Variants in USH2A observed in about 807,000 individuals in gnomAD.
USH2A encodes the protein Usher syndrome 2A (autosomal recessive, mild).
USH2A carries 443 observed loss-of-function variants against 538.9 expected under a neutral mutation model. The ratio of observed to expected loss-of-function variants is 0.82; its 90% CI spans 0.76 to 0.89. USH2A has a LOEUF of 0.89. Among genes scored for constraint, USH2A ranks in the 40% least tolerant of loss-of-function variants. The pLI, the probability that USH2A is intolerant of heterozygous loss-of-function variation, is 0.00. For missense variants in USH2A, 6,633 were observed against 6,324.8 expected, an observed-to-expected ratio of 1.05 and a Z score of -1.65; for synonymous variants, 2,413 against 2,273.5, an observed-to-expected ratio of 1.06 and a Z score of -1.75.
chr1:216,090,161 C>A (rs1571952859), intron 22 of USH2A, among the ~76,000 whole-genome samples: 1 of 151,240 alleles, frequency 6.6e-6, no homozygotes, highest in Non-Finnish European at 1.5e-5. Context: ...CACTTAATTA[C>A]CAGAAAATTT....
intron 50 of USH2A, among the ~76,000 whole-genome samples, chr1:215,793,202 C>A (rs1662030971): frequency 6.6e-6 from 1 of 151,962 alleles, no homozygotes; most frequent in African/African-American, 2.4e-5. Context: ...GTTAAGACTG[C>A]AAAACTGGGA....
chr1:215,947,207 C>T (rs996662627), intron 37 of USH2A, among the ~76,000 whole-genome samples: 1 of 151,866 alleles, frequency 6.6e-6, no homozygotes. Context: ...CCACTCCTGG[C>T]TAATTTTTGT....
intron 21 of USH2A, among the ~76,000 whole-genome samples, chr1:216,121,580 C>A (rs1002731763): frequency 6.6e-6 from 1 of 151,994 alleles, no homozygotes; most frequent in South Asian, 2.1e-4. Context: ...CATGTTGTTG[C>A]GTATTAATGA....
chr1:215,857,460 A>T (rs1335610546), intron 44 of USH2A, among the ~76,000 whole-genome samples: 1 of 152,218 alleles, frequency 6.6e-6, no homozygotes, highest in Non-Finnish European at 1.5e-5. Flanking sequence ...GGTAGCCTTA[A>T]GCCAGAAGCC....
At chr1:216,110,432 C>T (rs2032839037) in intron 21 of USH2A, among the ~76,000 whole-genome samples, 1 of 152,052 alleles carries the variant, frequency 6.6e-6, no homozygotes, top group Admixed American at 6.6e-5. Context: ...AAAACATCAG[C>T]CTACATTAAA....
chr1:215,866,357 T>C (rs545485489), intron 44 of USH2A, among the ~76,000 whole-genome samples: 2 of 152,308 alleles, frequency 1.3e-5, no homozygotes, highest in East Asian at 3.9e-4. Flanking sequence ...CAGATTAGAT[T>C]ACTCTGTGAA....
chr1:215,643,519 T>C (rs537689510), intron 67 of USH2A, among the ~76,000 whole-genome samples: 87 of 150,366 alleles, frequency 5.8e-4, no homozygotes, highest in Middle Eastern at 6.8e-3. Context: ...CACAAATAGA[T>C]AAAATCCTTT....
intron 30 of USH2A, among the ~76,000 whole-genome samples, chr1:216,055,106 T>C (rs2030933444): frequency 6.6e-6 from 1 of 152,218 alleles, no homozygotes; most frequent in Non-Finnish European, 1.5e-5. Context: ...CTACTGCATC[T>C]AAATGATATC....
At chr1:215,909,537 G>T (rs1325177794) in intron 38 of USH2A, among the ~76,000 whole-genome samples, 1 of 151,892 alleles carries the variant, frequency 6.6e-6, no homozygotes, top group Non-Finnish European at 1.5e-5. Flanking sequence ...AGGATAAATG[G>T]GAACTCTGCA....
At chr1:215,771,998 G>C (rs949333677) in intron 55 of USH2A, among the ~76,000 whole-genome samples, 4 of 152,156 alleles carry the variant, frequency 2.6e-5, no homozygotes, top group African/African-American at 9.7e-5. Context: ...TAATCTGTAA[G>C]AAAGCATCAA....
intron 30 of USH2A, among the ~76,000 whole-genome samples, chr1:216,051,734 T>C (rs1447542863): frequency 6.6e-6 from 1 of 152,196 alleles, no homozygotes; most frequent in Non-Finnish European, 1.5e-5. Context: ...AAAGAAACAA[T>C]GCTGATATAC....
Position 215,629,107 on chromosome 1 carries a change from C to T in USH2A, c.15298-72G>A, listed in dbSNP as rs940774358. 8.3e-6 allele frequency: 12 copies of T among 1,438,964 alleles called. No individual in the cohort carries two copies. In the African/African-American group the frequency reaches 1.7e-4, roughly 20 times the overall value. 89.1% of individuals were successfully genotyped at this position (1,438,964 alleles called of 1,614,324 possible). A position where few individuals can be genotyped will look rare whatever the true frequency, so the allele number is the denominator to read the frequency against. ...CTTGAAATATGACAGAGAATTGTGT[C>T]TCACACATTGTCAGTGAAGGGAATG... is the stretch of plus-strand genomic sequence containing the variant. On this transcript the variant is annotated intron_variant, in intron 70 of 71. Transcript: ENST00000307340.
intron 21 of USH2A, among the ~76,000 whole-genome samples, chr1:216,122,615 T>C (rs1270347753): frequency 6.6e-6 from 1 of 152,146 alleles, no homozygotes; most frequent in African/African-American, 2.4e-5. Context: ...GAGTGGTATA[T>C]GTGGGTCTTG....
intron 21 of USH2A, among the ~76,000 whole-genome samples, chr1:216,099,681 G>C (rs887982136): frequency 1.3e-5 from 2 of 152,112 alleles, no homozygotes; most frequent in Admixed American, 1.3e-4. Flanking sequence ...ACCAGGAAAG[G>C]CACATTAAGA....
At chr1:216,022,742 G>A (rs986861375) in intron 32 of USH2A, among the ~76,000 whole-genome samples, 1 of 152,020 alleles carries the variant, frequency 6.6e-6, no homozygotes, top group Non-Finnish European at 1.5e-5. Flanking sequence ...TATTAGAATC[G>A]ACTGGGACAG....
intron 44 of USH2A, among the ~76,000 whole-genome samples, chr1:215,863,870 A>G (rs1216798072): frequency 6.6e-6 from 1 of 152,130 alleles, no homozygotes; most frequent in Non-Finnish European, 1.5e-5. Flanking sequence ...GGAAGGAGAG[A>G]GCAAGACCAG....
intron 58 of USH2A, among the ~76,000 whole-genome samples, chr1:215,748,483 T>C (rs1660543388): frequency 6.6e-6 from 1 of 152,208 alleles, no homozygotes; most frequent in Non-Finnish European, 1.5e-5. Context: ...ATTTTTAAGA[T>C]AAAAAGCAAG....
At chr1:215,841,095 A>G (rs1663665553) in intron 46 of USH2A, among the ~76,000 whole-genome samples, 1 of 152,162 alleles carries the variant, frequency 6.6e-6, no homozygotes, top group African/African-American at 2.4e-5. Context: ...GGAAGAATAA[A>G]TATCATGAAA....
chr1:215,843,743 A>AT (rs1365425128), intron 46 of USH2A, among the ~76,000 whole-genome samples: 1 of 152,082 alleles, frequency 6.6e-6, no homozygotes, highest in East Asian at 1.9e-4. Context: ...ACCTTTTAAT[A>AT]TTTTTTGTCT....
Sources: allele counts gnomAD v4.1 joint callset (sites outside exome capture counted in the v4.1 genomes callset), GRCh38; gene constraint gnomAD v4.1.1; transcripts MANE v1.5; gene names NCBI Gene and HGNC (gene_info 2026-07-23, HGNC 2026-07-21).